VDAC1: variants seen among roughly 807,000 people sequenced by gnomAD.
VDAC1 encodes voltage dependent anion channel 1, also known as non-selective voltage-gated ion channel VDAC1.
A neutral mutation model predicts 34.7 loss-of-function variants in VDAC1; 10 were observed. The observed-to-expected ratio is 0.29, with a 90% CI of 0.18 to 0.49. The LOEUF (loss-of-function observed/expected upper bound fraction) is 0.49. Ranked by LOEUF, VDAC1 falls within the 20% of genes least tolerant of loss-of-function variation. VDAC1 has a pLI of 0.99. For missense variants in VDAC1, 230 were observed against 347.9 expected (o/e 0.66, Z 2.69); for synonymous variants, 130 against 136.0 (o/e 0.96, Z 0.30).
rs1752344988 is a variant in VDAC1 at position 133,972,737 on chromosome 5, A to G, written c.*34T>C. 7.6e-7 allele frequency: 1 copy of G among 1,317,690 alleles called. No individual in the cohort carries two copies. The highest frequency in any genetic ancestry group is 1.1e-6 in the Non-Finnish European group (1 of 923,816). The allele number at this position is 1,317,690 out of a possible 1,614,324, so 81.6% of individuals were successfully genotyped here. On this transcript the variant is annotated 3_prime_UTR_variant, in exon 9 of 9. Coordinates refer to ENST00000265333, the MANE Select transcript of VDAC1 (RefSeq NM_003374.3). ...ATTCTGAAGGTAGCTATGCTGCAAA[A>G]TAGTTTAAAATTAAACAATTGTACA...
chr5:134,023,524 A>G, the VDAC1 span, among the ~76,000 whole-genome samples: 1 of 150,958 alleles, frequency 6.6e-6, no homozygotes, highest in African/African-American at 2.4e-5. Flanking sequence ...CCCCCTCTCC[A>G]TGGCAGATAA....
chr5:134,001,003 T>A (rs1287432014), intron 1 of VDAC1, among the ~76,000 whole-genome samples: 2 of 152,316 alleles, frequency 1.3e-5, no homozygotes, highest in East Asian at 3.9e-4. Context: ...AGCACCACTG[T>A]CCTTGCAAGA....
the VDAC1 span, among the ~76,000 whole-genome samples, chr5:134,085,722 T>TTAAAAAAAAAAAA: frequency 2.3e-5 from 1 of 44,224 alleles, no homozygotes; most frequent in Non-Finnish European, 3.7e-5. Flanking sequence ...ACCCCATTTC[T>TTAAAAAAAAAAAA]AAAAAAAAAA....
intron 5 of VDAC1, among the ~76,000 whole-genome samples, chr5:133,986,256 C>T (rs2126949564): frequency 6.6e-6 from 1 of 152,328 alleles, no homozygotes; most frequent in East Asian, 1.9e-4. Context: ...ACACTCCGCT[C>T]CTCCTGGGAG....
chr5:133,984,343 G>GA (rs1752821219), intron 5 of VDAC1, among the ~76,000 whole-genome samples: 2 of 151,394 alleles, frequency 1.3e-5, no homozygotes, highest in Non-Finnish European at 2.9e-5. Context: ...TTACAGGTGT[G>GA]AGCCACCTCG....
intron 6 of VDAC1, among the ~76,000 whole-genome samples, chr5:133,980,233 T>G (rs1292251311): frequency 6.6e-6 from 1 of 152,224 alleles, no homozygotes; most frequent in Non-Finnish European, 1.5e-5. Flanking sequence ...CTATAATCAC[T>G]GTTTCCCTTC....
At chr5:134,113,481 A>G in the VDAC1 span, among the ~76,000 whole-genome samples, 4 of 152,228 alleles carry the variant, frequency 2.6e-5, no homozygotes, top group African/African-American at 9.6e-5. Context: ...CACCGCTGCC[A>G]GGGGTCCTGT....
the VDAC1 span, among the ~76,000 whole-genome samples, chr5:134,109,607 T>C: frequency 0.8 from 121,461 of 151,896 alleles, 48,895 homozygotes; most frequent in Non-Finnish European, 0.86. Flanking sequence ...CCATCTCTAC[T>C]AAAAATACAA....
the VDAC1 span, among the ~76,000 whole-genome samples, chr5:134,099,626 G>T: frequency 6.6e-6 from 1 of 152,154 alleles, no homozygotes; most frequent in African/African-American, 2.4e-5. Context: ...TGTCACCCAG[G>T]CTAGAGGGCA....
chr5:133,972,608 C>T lies in VDAC1; in HGVS notation c.*163G>A, dbSNP rs965642105. The T allele has an allele frequency of 3.2e-6, 2 of 624,522 alleles. No homozygotes were observed. Among genetic ancestry groups the T allele is most frequent in the African/African-American group, 3.7e-5 (2 of 53,596 alleles). 38.7% of individuals were successfully genotyped at this position (624,522 alleles called of 1,614,324 possible). A position where few individuals can be genotyped will look rare whatever the true frequency, so the allele number is the denominator to read the frequency against. On this transcript the variant is annotated 3_prime_UTR_variant, in exon 9 of 9. Coordinates refer to ENST00000265333, the MANE Select transcript of VDAC1 (RefSeq NM_003374.3). Reference sequence around the variant, plus strand: ...TTTTGGAAATAGGTTTCTTCTGTACCTCTGGAAGGGTAACATCTTAAAGCT... The same window carrying T: ...TTTTGGAAATAGGTTTCTTCTGTACTTCTGGAAGGGTAACATCTTAAAGCT...
At chr5:134,033,693 A>G in the VDAC1 span, among the ~76,000 whole-genome samples, 4 of 151,576 alleles carry the variant, frequency 2.6e-5, no homozygotes, top group East Asian at 7.7e-4. Flanking sequence ...AAAAAAGTAA[A>G]AAAAGAGTCG....
Position 133,980,711 on chromosome 5 carries a change from G to GCC in VDAC1, c.551+16_551+17dup. The stretch of plus-strand genomic sequence containing the variant: ...CCAACCCCACCCCTCCCACCCTGCT[G>GCC]CCCCCATGTACACTTACACATTAGT... On this transcript the variant is annotated intron_variant, in intron 6 of 8. Transcript: ENST00000265333. 1 of 556,618 alleles carries GCC rather than the reference G, an allele frequency of 1.8e-6. No homozygotes were observed. The highest frequency in any genetic ancestry group is 2.6e-6 in the Non-Finnish European group (1 of 387,724). 34.5% of individuals were successfully genotyped at this position (556,618 alleles called of 1,614,324 possible).
the VDAC1 span, among the ~76,000 whole-genome samples, chr5:134,085,717 A>G: frequency 1.7e-5 from 2 of 118,804 alleles, no homozygotes; most frequent in Non-Finnish European, 3.3e-5. Flanking sequence ...GCAAGACCCC[A>G]TTTCTAAAAA....
chr5:134,079,113 C>T, the VDAC1 span, among the ~76,000 whole-genome samples: 1 of 130,132 alleles, frequency 7.7e-6, no homozygotes, highest in South Asian at 2.8e-4. Context: ...GCCAGGATTA[C>T]AGACACACAC....
the VDAC1 span, among the ~76,000 whole-genome samples, chr5:134,077,049 C>A: frequency 3.9e-3 from 600 of 152,232 alleles, 2 homozygotes; most frequent in African/African-American, 0.013. Flanking sequence ...GAGGCCGAGG[C>A]GGCCAGATCA....
chr5:133,992,712 AC>A (rs1172892973), intron 2 of VDAC1, among the ~76,000 whole-genome samples: 1 of 152,268 alleles, frequency 6.6e-6, no homozygotes, highest in African/African-American at 2.4e-5. Flanking sequence ...GCTGCTCCAC[AC>A]TTGGAAAAGA....
intron 1 of VDAC1, among the ~76,000 whole-genome samples, chr5:134,004,110 C>A (rs1425390479): frequency 2.6e-5 from 4 of 152,188 alleles, no homozygotes; most frequent in Non-Finnish European, 5.9e-5. Flanking sequence ...CGGTGCCGGG[C>A]GCCAGCTTCT....
At chr5:134,059,829 T>TTGATG in the VDAC1 span, among the ~76,000 whole-genome samples, 1 of 151,860 alleles carries the variant, frequency 6.6e-6, no homozygotes, top group Non-Finnish European at 1.5e-5. Flanking sequence ...TTGTTTGGGT[T>TTGATG]TCTTTGTTAT....
intron 1 of VDAC1, among the ~76,000 whole-genome samples, chr5:133,996,627 T>G (rs1753325799): frequency 7.0e-6 from 1 of 142,252 alleles, no homozygotes; most frequent in African/African-American, 2.6e-5. Context: ...GAGCCTGTCA[T>G]GCATAAATTT....
Sources: allele counts gnomAD v4.1 joint callset (sites outside exome capture counted in the v4.1 genomes callset), GRCh38; gene constraint gnomAD v4.1.1; transcripts MANE v1.5; gene names NCBI Gene and HGNC (gene_info 2026-07-23, HGNC 2026-07-21).